The following FMR1NB variants were observed in gnomAD, a reference collection of about 807,000 sequenced individuals.
FMR1NB encodes FMR1 neighbor protein.
In FMR1NB, 10 loss-of-function variants were observed where a neutral mutation model predicts 16.8. The ratio of observed to expected loss-of-function variants is 0.60; its 90% CI spans 0.37 to 1.01. The LOEUF (loss-of-function observed/expected upper bound fraction) is 1.01. Ranked by LOEUF, FMR1NB falls within the 50% of genes least tolerant of loss-of-function variation. FMR1NB has a pLI of 0.01. For synonymous variants in FMR1NB, 83 were observed against 79.1 expected (o/e 1.05, Z -0.26); for missense variants, 205 against 204.8 (o/e 1.00, Z 0.00).
chrX:147,992,867 G>C (rs2044519406), intron 1 of FMR1NB, among the ~76,000 whole-genome samples: 1 of 89,480 alleles, frequency 1.1e-5, no homozygotes. Context: ...ATGGCGGCTG[G>C]GAAGAGGCGC....
chrX:148,018,991 A>G (rs1285116336), intron 4 of FMR1NB, among the ~76,000 whole-genome samples: 1 of 111,708 alleles, frequency 9.0e-6, no homozygotes, highest in Non-Finnish European at 1.9e-5. Context: ...AAAAACAAAC[A>G]ACCCCATCAA....
Position 148,015,316 on chromosome X carries a change from A to G in FMR1NB, c.632+6605A>G, listed in dbSNP as rs182869392. On this transcript the variant is annotated intron_variant, in intron 4 of 5. Coordinates refer to ENST00000370467, the MANE Select transcript of FMR1NB (RefSeq NM_152578.3). ...TTCTGTATTGTTTTCTTCATTTCAAATTTATTTATTTCTGCTCTCATCTTT... is the reference window on the plus strand; with the variant it reads ...TTCTGTATTGTTTTCTTCATTTCAAGTTTATTTATTTCTGCTCTCATCTTT... Among the ~76,000 whole-genome samples the G allele has an allele frequency of 4.4e-3, 495 of 111,246 alleles. 3 individuals carry two copies. The highest frequency in any genetic ancestry group is 0.016 in the African/African-American group (479 of 30,663).
chrX:148,025,473 G>A (rs1323802801), intron 5 of FMR1NB, among the ~76,000 whole-genome samples: 1 of 111,664 alleles, frequency 9.0e-6, no homozygotes, highest in East Asian at 2.8e-4. Context: ...ACGATGTAGT[G>A]TTAGAAGAGG....
intron 1 of FMR1NB, among the ~76,000 whole-genome samples, chrX:147,982,588 CAAA>C (rs79206034): frequency 3.5e-5 from 1 of 28,465 alleles, no homozygotes; most frequent in African/African-American, 1.5e-4. Flanking sequence ...GACTCCGTCT[CAAA>C]AAAAAAAAAA....
intron 2 of FMR1NB, among the ~76,000 whole-genome samples, chrX:148,005,864 A>C (rs2044593428): frequency 8.9e-6 from 1 of 112,249 alleles, no homozygotes; most frequent in Admixed American, 9.5e-5. Context: ...CTGATGTTGA[A>C]GTGCTTTAGT....
chrX:147,981,719 AG>A, intron 1 of FMR1NB, 40 bp downstream of exon 1: 1 of 38,231 alleles, frequency 2.6e-5, no homozygotes, highest in Non-Finnish European at 5.3e-5. Flanking sequence ...ATGCTGGGGG[AG>A]GGGGAGGGGG....
At chrX:148,006,510 A>T (rs913054873) in intron 2 of FMR1NB, among the ~76,000 whole-genome samples, 192 bp from the exon 3 acceptor site, 1 of 112,391 alleles carries the variant, frequency 8.9e-6, no homozygotes, top group Admixed American at 9.5e-5. Context: ...ATTCACCTAG[A>T]TTTGAAAATG....
intron 4 of FMR1NB, among the ~76,000 whole-genome samples, chrX:148,010,075 T>G (rs2044616099): frequency 9.2e-6 from 1 of 109,116 alleles, no homozygotes; most frequent in African/African-American, 3.5e-5. Flanking sequence ...GCAAAGGAAT[T>G]TTATGGGGGT....
At chrX:147,998,453 A>C (rs2044553817) in intron 1 of FMR1NB, among the ~76,000 whole-genome samples, 1 of 111,394 alleles carries the variant, frequency 9.0e-6, no homozygotes, top group Non-Finnish European at 1.9e-5. Context: ...AGGGCCTGTC[A>C]GGGGGTGGGG....
intron 4 of FMR1NB, among the ~76,000 whole-genome samples, chrX:148,014,644 C>T (rs1342930390): frequency 9.0e-6 from 1 of 111,100 alleles, no homozygotes; most frequent in East Asian, 2.9e-4. Context: ...CGGAAGTAAA[C>T]TTGGGAATTT....
At chrX:148,022,617 A>G (rs970677175) in intron 4 of FMR1NB, among the ~76,000 whole-genome samples, 2 of 111,320 alleles carry the variant, frequency 1.8e-5, no homozygotes, top group Non-Finnish European at 3.8e-5. Flanking sequence ...GACACTGAAA[A>G]ATCATTTCAC....
intron 4 of FMR1NB, among the ~76,000 whole-genome samples, chrX:148,013,538 G>A (rs1370826085): frequency 8.9e-6 from 1 of 112,114 alleles, no homozygotes; most frequent in African/African-American, 3.2e-5. Context: ...AAAGATCTGC[G>A]TTCTCATTCT....
At position 147,981,465 on chromosome X, in the gene FMR1NB, G is replaced by A. The variant is rs2044445471; in HGVS notation, c.63G>A (p.Val21=). The change falls in exon 1 of 6, where the codon GTG becomes GTA. Residue 21 remains valine, a synonymous_variant. Transcript: ENST00000370467. ...GGAGAAGTCACCGTGCCATGCGTGT[G>A]GCTCACTTAGAGCTGGCAACTTATG... is the stretch of plus-strand genomic sequence containing the variant. The part of the protein sequence containing the change: ...RNRRSHRAMR[V]AHLELATYEL... 8.3e-7 allele frequency: 1 copy of A among 1,209,791 alleles called. No homozygotes were observed. Among genetic ancestry groups the A allele is most frequent in the African/African-American group, 1.8e-5 (1 of 57,101 alleles).
intron 1 of FMR1NB, among the ~76,000 whole-genome samples, chrX:148,000,423 T>C (rs1176114801): frequency 8.9e-6 from 1 of 111,987 alleles, no homozygotes; most frequent in Non-Finnish European, 1.9e-5. Context: ...CAGGTATAAC[T>C]CTTATGCCAA....
intron 1 of FMR1NB, among the ~76,000 whole-genome samples, chrX:147,996,230 A>G (rs931485945): frequency 9.8e-5 from 11 of 112,330 alleles, no homozygotes; most frequent in African/African-American, 3.6e-4. Context: ...TAAGCAATAA[A>G]AATAAACGAT....
chrX:147,982,720 C>T (rs1685487806), intron 1 of FMR1NB, among the ~76,000 whole-genome samples: 1 of 109,541 alleles, frequency 9.1e-6, no homozygotes, highest in Non-Finnish European at 1.9e-5. Flanking sequence ...GGTGAAACCC[C>T]GTCTGTACTA....
chrX:148,003,153 T>G, intron 1 of FMR1NB, 48 bp from the exon 2 acceptor site: 1 of 1,163,900 alleles, frequency 8.6e-7, no homozygotes, highest in Non-Finnish European at 1.2e-6. Context: ...TCATTGAAAG[T>G]GATAAATGCT....
At chrX:147,989,035 C>G (rs1184410049) in intron 1 of FMR1NB, among the ~76,000 whole-genome samples, 7 of 111,774 alleles carry the variant, frequency 6.3e-5, no homozygotes, top group Admixed American at 1.9e-4. Context: ...CAGTTTTCTG[C>G]CCTTGCCGGA....
chrX:148,013,771 C>G (rs2044636375), intron 4 of FMR1NB, among the ~76,000 whole-genome samples: 1 of 111,737 alleles, frequency 8.9e-6, no homozygotes, highest in Admixed American at 9.5e-5. Context: ...ATCAGCACCT[C>G]AAATGCAATA....
Sources: allele counts gnomAD v4.1 joint callset (sites outside exome capture counted in the v4.1 genomes callset), GRCh38; gene constraint gnomAD v4.1.1; transcripts MANE v1.5; gene names NCBI Gene and HGNC (gene_info 2026-07-23, HGNC 2026-07-21).